Variants in CLASP2 observed in about 807,000 individuals in gnomAD.
The protein encoded by CLASP2 is cytoplasmic linker associated protein 2, also known as CLIP-associating protein 2.
A neutral mutation model predicts 194.4 loss-of-function variants in CLASP2; 47 were observed. That is an observed-to-expected ratio of 0.24 (90% CI 0.19 to 0.31). CLASP2 has a LOEUF of 0.31. Ranked by LOEUF, CLASP2 falls within the 10% of genes least tolerant of loss-of-function variation. CLASP2 has a pLI of 1.00. For synonymous variants in CLASP2, 619 were observed against 633.5 expected, an observed-to-expected ratio of 0.98 and a Z score of 0.34; for missense variants, 1,445 against 1,823.6, an observed-to-expected ratio of 0.79 and a Z score of 3.78.
At chr3:33,717,318 T>C (rs1281172397) in intron 1 of CLASP2, among the ~76,000 whole-genome samples, 1 of 152,224 alleles carries the variant, frequency 6.6e-6, no homozygotes, top group Non-Finnish European at 1.5e-5. Context: ...GAATTTGTCA[T>C]TGTCCACAAG....
In CLASP2 at chr3:33,666,808, T is replaced by C. The variant is rs1167802871; in HGVS notation, c.645-3293A>G. Reference sequence around the variant, plus strand: ...AACTGTTTCCAAAGTTGCTGCACCATTTTACATTCCCAATGGCAATGTATG... The same window carrying C: ...AACTGTTTCCAAAGTTGCTGCACCACTTTACATTCCCAATGGCAATGTATG... On this transcript the variant is annotated intron_variant, in intron 6 of 38. Coordinates refer to ENST00000682230, the MANE Select transcript of CLASP2 (RefSeq NM_001365631.1). Among the ~76,000 whole-genome samples, 5 of 152,218 alleles carry C rather than the reference T, an allele frequency of 3.3e-5. No individual in the cohort carries two copies. The East Asian group carries it at 9.6e-4, about 29-fold the overall frequency.
intron 37 of CLASP2, 147 bp downstream of exon 37, chr3:33,510,411 G>A: frequency 1.4e-6 from 1 of 697,816 alleles, no homozygotes; most frequent in Non-Finnish European, 2.4e-6. Flanking sequence ...ATAACCCCCT[G>A]GCTAGTTATG....
At chr3:33,704,615 T>C (rs955088608) in intron 1 of CLASP2, among the ~76,000 whole-genome samples, 39 of 152,062 alleles carry the variant, frequency 2.6e-4, no homozygotes, top group African/African-American at 9.4e-4. Context: ...TAGCTGGGCA[T>C]GGTGGCACGC....
chr3:33,701,843 A>G (rs2092397821), intron 1 of CLASP2, among the ~76,000 whole-genome samples: 2 of 152,248 alleles, frequency 1.3e-5, no homozygotes, highest in East Asian at 1.9e-4. Context: ...ATAAACATAA[A>G]ACCTAAAACT....
intron 6 of CLASP2, among the ~76,000 whole-genome samples, chr3:33,676,099 G>A (rs934637305): frequency 7.2e-5 from 11 of 151,916 alleles, no homozygotes; most frequent in African/African-American, 2.4e-4. Context: ...AGTTCATATG[G>A]AACCAAAAAG....
At chr3:33,671,085 C>T (rs2087088581) in intron 6 of CLASP2, among the ~76,000 whole-genome samples, 1 of 151,876 alleles carries the variant, frequency 6.6e-6, no homozygotes, top group Admixed American at 6.5e-5. Context: ...TATACCCTTC[C>T]ACCTGAAAAA....
chr3:33,593,051 G>C (rs2069207257), intron 20 of CLASP2, among the ~76,000 whole-genome samples: 1 of 152,118 alleles, frequency 6.6e-6, no homozygotes, highest in Admixed American at 6.5e-5. Flanking sequence ...ATTTCATTTA[G>C]AAAGTGATTT....
chr3:33,612,219 GAA>G (rs1343632188), intron 12 of CLASP2, 148 bp from the exon 13 acceptor site: 2 of 602,794 alleles, frequency 3.3e-6, no homozygotes, highest in South Asian at 2.2e-5. Flanking sequence ...GACCAGTCTT[GAA>G]AAGTTTTCCT....
chr3:33,638,202 C>T (rs1478401303), intron 8 of CLASP2, among the ~76,000 whole-genome samples: 4 of 152,136 alleles, frequency 2.6e-5, no homozygotes, highest in Non-Finnish European at 2.9e-5. Context: ...ATTAGTTACA[C>T]CTCAGGGTGA....
intron 2 of CLASP2, among the ~76,000 whole-genome samples, chr3:33,692,904 C>T (rs1224097677): frequency 1.3e-5 from 2 of 151,856 alleles, no homozygotes; most frequent in Non-Finnish European, 1.5e-5. Flanking sequence ...CTTTTAGCTT[C>T]GTACAAGATG....
intron 7 of CLASP2, 41 bp downstream of exon 7, chr3:33,663,404 T>G: frequency 6.6e-7 from 1 of 1,525,126 alleles, no homozygotes; most frequent in Non-Finnish European, 9.0e-7. Flanking sequence ...AAAACTTTGC[T>G]AAATAGTCTT....
rs942104077 is a variant in CLASP2, at chr3:33,603,195, G to A, written c.1751-70C>T. On this transcript the variant is annotated intron_variant, in intron 17 of 38. Coordinates refer to ENST00000682230, the MANE Select transcript of CLASP2 (RefSeq NM_001365631.1). ...GAAAACATGAAAATTATATAAACCTGACCACCATGAGCTAATCTGATGACA... is the reference window on the plus strand; with the variant it reads ...GAAAACATGAAAATTATATAAACCTAACCACCATGAGCTAATCTGATGACA... The A allele has an allele frequency of 6.3e-6, 9 of 1,424,370 alleles. No homozygotes were observed. The African/African-American group carries it at 1.3e-4, about 21-fold the overall frequency. The allele number at this position is 1,424,370 out of a possible 1,614,324, so 88.2% of individuals were successfully genotyped here.
intron 37 of CLASP2, among the ~76,000 whole-genome samples, chr3:33,509,106 A>G (rs1452066577): frequency 6.6e-6 from 1 of 152,190 alleles, no homozygotes; most frequent in African/African-American, 2.4e-5. Flanking sequence ...ATTTTTTGAG[A>G]TAAGAAATTA....
intron 1 of CLASP2, among the ~76,000 whole-genome samples, chr3:33,697,385 A>G (rs2092018857): frequency 6.6e-6 from 1 of 152,242 alleles, no homozygotes; most frequent in Non-Finnish European, 1.5e-5. Flanking sequence ...CTACCTGTAC[A>G]GTATGTTACT....
chr3:33,639,513 G>A (rs564638990), intron 8 of CLASP2, among the ~76,000 whole-genome samples: 1 of 152,158 alleles, frequency 6.6e-6, no homozygotes, highest in South Asian at 2.1e-4. Flanking sequence ...AATAAACCTT[G>A]TATAATAAAA....
In CLASP2 at chr3:33,576,213, G is replaced by A. The variant is rs754764076; in HGVS notation, c.2410C>T (p.Leu804=). The stretch of plus-strand genomic sequence containing the variant: ...TCCTCCACATCAGAACCTGTGTTCA[G>A]GACTCGCATGGCACTAACAGAAGAC... ...LSSSVSAMRV[L]NTGSDVEEAV... Residue 804 remains leucine, a synonymous_variant, in exon 24 of 39, where the codon CTG becomes TTG. Transcript: ENST00000682230. The A allele has an allele frequency of 6.2e-7, 1 of 1,613,862 alleles. No individual in the cohort carries two copies.
chr3:33,647,589 T>C (rs1191566191), intron 7 of CLASP2, among the ~76,000 whole-genome samples: 1 of 152,204 alleles, frequency 6.6e-6, no homozygotes, highest in Admixed American at 6.5e-5. Flanking sequence ...AATTATGACA[T>C]TATAGCTCCA....
At chr3:33,638,063 GT>G (rs1409983684) in intron 8 of CLASP2, among the ~76,000 whole-genome samples, 3 of 152,028 alleles carry the variant, frequency 2.0e-5, no homozygotes, top group Admixed American at 6.6e-5. Flanking sequence ...GCTGAAAGAT[GT>G]TCTGTGAAAA....
chr3:33,668,008 A>G (rs905125415), intron 6 of CLASP2, among the ~76,000 whole-genome samples: 3 of 152,276 alleles, frequency 2.0e-5, no homozygotes, highest in South Asian at 4.1e-4. Context: ...TCACAAGGTC[A>G]GGAGTTTGAG....
Sources: gnomAD v4.1 joint callset for allele counts (sites outside exome capture counted in the v4.1 genomes callset) on GRCh38, gnomAD v4.1.1 for gene constraint, MANE v1.5 for transcripts, NCBI Gene and HGNC (gene_info 2026-07-23, HGNC 2026-07-21) for gene names.